Variants in TUBD1 observed in about 807,000 individuals in gnomAD.
The protein encoded by TUBD1 is tubulin delta chain.
A neutral mutation model predicts 51.2 loss-of-function variants in TUBD1; 38 were observed. The observed-to-expected ratio is 0.74, with a 90% confidence interval of 0.57 to 0.97. The LOEUF is 0.97. Ranked by LOEUF, TUBD1 falls within the 50% of genes least tolerant of loss-of-function variation. The pLI is 0.00. For synonymous variants in TUBD1, 169 were observed against 178.2 expected (o/e 0.95, Z 0.41); for missense variants, 489 against 538.4 (o/e 0.91, Z 0.91).
chr17:59,882,028 T>C (rs2040511229), intron 3 of TUBD1, among the ~76,000 whole-genome samples: 1 of 152,098 alleles, frequency 6.6e-6, no homozygotes, highest in Non-Finnish European at 1.5e-5. Context: ...CTAACTGTAT[T>C]ATTGAATACT....
intron 5 of TUBD1, among the ~76,000 whole-genome samples, chr17:59,876,866 T>A (rs564824143): frequency 6.6e-6 from 1 of 151,948 alleles, no homozygotes; most frequent in East Asian, 1.9e-4. Context: ...ACCTTAACCA[T>A]TCTTTTTTTT....
Position 59,860,222 on chromosome 17 carries a change from T to C in TUBD1, c.*100A>G. 1.1e-6 allele frequency: 1 copy of C among 891,988 alleles called. No individual in the cohort carries two copies. Among genetic ancestry groups the C allele is most frequent in the Non-Finnish European group, 1.7e-6 (1 of 576,432 alleles). 55.3% of individuals were successfully genotyped at this position (891,988 alleles called of 1,614,324 possible). A position where few individuals can be genotyped will look rare whatever the true frequency, so the allele number is the denominator to read the frequency against. ...TGGTAGAGACGGTGTTTCACCGTGT[T>C]AGCCAGGATGGAGAACTTTGAAAAC... On this transcript the variant is annotated 3_prime_UTR_variant, in exon 9 of 9. Coordinates refer to ENST00000325752, the MANE Select transcript of TUBD1 (RefSeq NM_016261.4).
At chr17:59,885,233 C>T (rs1371857523) in intron 3 of TUBD1, 8 of 496,480 alleles carry the variant, frequency 1.6e-5, no homozygotes, top group East Asian at 8.9e-5. Flanking sequence ...TGGGGTATGG[C>T]GACTACCCAA....
intron 6 of TUBD1, among the ~76,000 whole-genome samples, chr17:59,867,831 T>C (rs543603819): frequency 2.0e-5 from 3 of 152,028 alleles, no homozygotes; most frequent in Non-Finnish European, 2.9e-5. Flanking sequence ...CAGAGAACAG[T>C]AGTCAGCCTC....
At chr17:59,880,728 A>G (rs1232705253) in intron 4 of TUBD1, among the ~76,000 whole-genome samples, 166 bp downstream of exon 4, 1 of 151,716 alleles carries the variant, frequency 6.6e-6, no homozygotes, top group Non-Finnish European at 1.5e-5. Context: ...GTTAGCCGGG[A>G]TGGTCTCGAT....
chr17:59,888,805 G>A (rs1003388324), intron 2 of TUBD1, among the ~76,000 whole-genome samples: 7 of 151,150 alleles, frequency 4.6e-5, no homozygotes, highest in South Asian at 4.3e-4. Context: ...TCCGACTCCC[G>A]GGTTCAAGCG....
At chr17:59,878,894 A>C (rs948628276) in intron 4 of TUBD1, 2 of 152,738 alleles carry the variant, frequency 1.3e-5, no homozygotes, top group African/African-American at 4.8e-5. Context: ...TTATTATCAT[A>C]CTTATCTCCT....
chr17:59,876,272 A>T (rs2040219197), intron 5 of TUBD1, among the ~76,000 whole-genome samples: 1 of 151,606 alleles, frequency 6.6e-6, no homozygotes, highest in South Asian at 2.1e-4. Context: ...TCGAACTCCC[A>T]GGCTTAAGCA....
At chr17:59,887,966 G>A (rs1050531599) in intron 2 of TUBD1, among the ~76,000 whole-genome samples, 17 of 149,106 alleles carry the variant, frequency 1.1e-4, no homozygotes, top group Non-Finnish European at 2.1e-4. Context: ...ATGGAGTCTC[G>A]CTCTGTCCCG....
intron 5 of TUBD1, among the ~76,000 whole-genome samples, chr17:59,877,103 A>T (rs1598541307): frequency 6.6e-6 from 1 of 150,572 alleles, no homozygotes; most frequent in South Asian, 2.1e-4. Flanking sequence ...CAGGTGATCC[A>T]CCCTCCTCAG....
chr17:59,862,956 C>A (rs914954952), intron 8 of TUBD1, among the ~76,000 whole-genome samples: 17 of 151,768 alleles, frequency 1.1e-4, no homozygotes, highest in African/African-American at 4.1e-4. Flanking sequence ...GAAATCCTGA[C>A]CTCAGCTGAT....
At chr17:59,881,323 C>T (rs753607869) in intron 3 of TUBD1, among the ~76,000 whole-genome samples, 6 of 152,118 alleles carry the variant, frequency 3.9e-5, no homozygotes, top group South Asian at 2.1e-4. Flanking sequence ...ATTATTGGAA[C>T]GCTAAGCATG....
At chr17:59,890,794 G>A in intron 2 of TUBD1, 37 bp downstream of exon 2, 1 of 1,539,536 alleles carries the variant, frequency 6.5e-7, no homozygotes, top group Non-Finnish European at 8.7e-7. Flanking sequence ...GGGTTGGTTA[G>A]ATCAGAGTAA....
intron 5 of TUBD1, among the ~76,000 whole-genome samples, chr17:59,876,477 C>T (rs535153441): frequency 1.3e-4 from 19 of 151,784 alleles, no homozygotes; most frequent in African/African-American, 4.4e-4. Context: ...GCCTCTGCCT[C>T]CCAAGTAGCT....
At chr17:59,888,858 C>G (rs776264233) in intron 2 of TUBD1, among the ~76,000 whole-genome samples, 1 of 151,028 alleles carries the variant, frequency 6.6e-6, no homozygotes, top group South Asian at 2.1e-4. Flanking sequence ...ATTACAGGCA[C>G]GCACCACTAC....
rs752645281 is a variant in TUBD1, at chr17:59,886,233, A to G, written c.173-3T>C. On this transcript the variant is annotated splice_region_variant and splice_polypyrimidine_tract_variant and intron_variant, in intron 2 of 8. Coordinates refer to ENST00000325752, the MANE Select transcript of TUBD1 (RefSeq NM_016261.4). The stretch of plus-strand genomic sequence containing the variant: ...AAGAACAGCCCGGGCAATTGGAACT[A>G]GAGGGGGAAAAAAACCCAAAAACAT... The G allele has an allele frequency of 1.2e-5, 20 of 1,600,770 alleles. 1 individual carries two copies. The highest frequency in any genetic ancestry group is 9.4e-6 in the Non-Finnish European group (11 of 1,176,446).
intron 3 of TUBD1, among the ~76,000 whole-genome samples, chr17:59,885,878 T>A (rs556746193): frequency 6.6e-6 from 1 of 152,200 alleles, no homozygotes; most frequent in African/African-American, 2.4e-5. Context: ...CTGAAAGATA[T>A]CCTTCATTTC....
chr17:59,875,073 CTTTTTT>C (rs10679203), intron 5 of TUBD1, among the ~76,000 whole-genome samples: 1 of 87,268 alleles, frequency 1.1e-5, no homozygotes, highest in Admixed American at 1.6e-4. Context: ...TTGTTATATT[CTTTTTT>C]TTTTTTTTTT....
chr17:59,887,452 A>C (rs2040788376), intron 2 of TUBD1, among the ~76,000 whole-genome samples: 1 of 152,134 alleles, frequency 6.6e-6, no homozygotes, highest in Non-Finnish European at 1.5e-5. Flanking sequence ...ATAAATCCAC[A>C]CCAAAGGAAC....
Sources: allele counts gnomAD v4.1 joint callset (sites outside exome capture counted in the v4.1 genomes callset), GRCh38; gene constraint gnomAD v4.1.1; transcripts MANE v1.5; gene names NCBI Gene and HGNC (gene_info 2026-07-23, HGNC 2026-07-21).